RYR2: variants seen among roughly 807,000 people sequenced by gnomAD.
RYR2 encodes the protein ryanodine receptor 2, also known as cardiac muscle ryanodine receptor-calcium release channel.
In RYR2, 227 loss-of-function variants were observed where a neutral mutation model predicts 601.1. The ratio of observed to expected loss-of-function variants is 0.38; its 90% CI spans 0.34 to 0.42. RYR2 has a LOEUF of 0.42. Among genes scored for constraint, RYR2 ranks in the 10% least tolerant of loss-of-function variants. The pLI is 1.00. For synonymous variants in RYR2, 2,223 were observed against 2,175.1 expected, an observed-to-expected ratio of 1.02 and a Z score of -0.61; for missense variants, 4,646 against 6,156.5, an observed-to-expected ratio of 0.75 and a Z score of 8.21.
At chr1:237,621,036 C>T (rs1679021196) in intron 38 of RYR2, among the ~76,000 whole-genome samples, 2 of 152,248 alleles carry the variant, frequency 1.3e-5, no homozygotes, top group African/African-American at 4.8e-5. Flanking sequence ...AACCTCAAGA[C>T]ATTTTTAAAA....
intron 16 of RYR2, 41 bp from the exon 17 acceptor site, chr1:237,469,051 A>G (rs1455304741): frequency 1.3e-6 from 2 of 1,545,934 alleles, no homozygotes; most frequent in African/African-American, 1.4e-5. Flanking sequence ...TTTTCGAGCT[A>G]GAAAATCACA....
intron 96 of RYR2, 131 bp downstream of exon 96, chr1:237,795,462 T>TTA: frequency 3.9e-6 from 2 of 508,956 alleles, no homozygotes; most frequent in African/African-American, 2.1e-5. Context: ...TTTTTTTTTT[T>TTA]AATTTTTGAG....
chr1:237,202,908 C>A (rs998721397), intron 1 of RYR2, among the ~76,000 whole-genome samples: 1 of 152,100 alleles, frequency 6.6e-6, no homozygotes, highest in Non-Finnish European at 1.5e-5. Flanking sequence ...AATGCTCAGC[C>A]CTTCCAAACA....
chr1:237,331,705 G>A (rs186415699), intron 3 of RYR2, among the ~76,000 whole-genome samples: 54 of 150,690 alleles, frequency 3.6e-4, no homozygotes, highest in Admixed American at 2.4e-3. Context: ...TAGTAGAGAC[G>A]GGGTTTCACC....
In RYR2 at chr1:237,478,772, C is replaced by T. The variant is rs530982643; in HGVS notation, c.1708+9585C>T. Among the ~76,000 whole-genome samples, 4 of 141,268 alleles carry T rather than the reference C, an allele frequency of 2.8e-5. No homozygotes were observed. In the South Asian group the frequency reaches 6.7e-4, roughly 24 times the overall value. 92.7% of individuals were successfully genotyped at this position (141,268 alleles called of 152,430 possible). ...CAAGGCCAGACAGCATGTAAGCCAC[C>T]GAGGCAGGCCTTAAGGGACCCCCCT... On this transcript the variant is annotated intron_variant, in intron 17 of 104. Transcript: ENST00000366574.
At chr1:237,107,669 C>T (rs1231945758) in intron 1 of RYR2, among the ~76,000 whole-genome samples, 11 of 152,240 alleles carry the variant, frequency 7.2e-5, no homozygotes, top group South Asian at 2.1e-4. Context: ...TTCCATCTCC[C>T]GTGGAAGATG....
chr1:237,745,925 T>A lies in RYR2; in HGVS notation c.11145+3576T>A, dbSNP rs554722738. Among the ~76,000 whole-genome samples the A allele has an allele frequency of 2.0e-5, 3 of 152,180 alleles. No individual in the cohort carries two copies. The South Asian group carries it at 6.2e-4, about 32-fold the overall frequency. Reference sequence around the variant, plus strand: ...CTTCCTAATGAGATTTTTTTTTTTTTAGTGATCTCCATCTGATTTGGGACT... The same window carrying A: ...CTTCCTAATGAGATTTTTTTTTTTTAAGTGATCTCCATCTGATTTGGGACT... On this transcript the variant is annotated intron_variant, in intron 80 of 104. Coordinates refer to ENST00000366574, the MANE Select transcript of RYR2 (RefSeq NM_001035.3).
At chr1:237,449,091 C>CG (rs1449650922) in intron 14 of RYR2, among the ~76,000 whole-genome samples, 4 of 152,120 alleles carry the variant, frequency 2.6e-5, no homozygotes, top group African/African-American at 7.2e-5. Flanking sequence ...CACCCTTACA[C>CG]GGGAGCGTGA....
At chr1:237,617,567 C>A in intron 38 of RYR2, 81 bp downstream of exon 38, 1 of 1,273,322 alleles carries the variant, frequency 7.9e-7, no homozygotes, top group Non-Finnish European at 1.1e-6. Context: ...AATTATATAA[C>A]TCACACGTCT....
intron 10 of RYR2, among the ~76,000 whole-genome samples, chr1:237,391,266 G>A (rs1040298962): frequency 9.9e-5 from 15 of 152,048 alleles, no homozygotes; most frequent in African/African-American, 3.4e-4. Context: ...CTGTACTGGG[G>A]GAGACATGCA....
intron 10 of RYR2, among the ~76,000 whole-genome samples, chr1:237,415,677 A>C (rs1194719467): frequency 6.6e-6 from 1 of 152,220 alleles, no homozygotes; most frequent in African/African-American, 2.4e-5. Context: ...AATGGCAAGA[A>C]GGGAAGACAA....
At chr1:237,249,903 C>T (rs1012476264) in intron 1 of RYR2, among the ~76,000 whole-genome samples, 3 of 152,062 alleles carry the variant, frequency 2.0e-5, no homozygotes, top group African/African-American at 7.2e-5. Flanking sequence ...TTGCAGAGTA[C>T]AGTCTAAGAA....
At chr1:237,673,536 A>C (rs948567413) in intron 58 of RYR2, among the ~76,000 whole-genome samples, 8 of 152,174 alleles carry the variant, frequency 5.3e-5, no homozygotes, top group Non-Finnish European at 8.8e-5. Flanking sequence ...GTCAAGTATT[A>C]GACACTTAAG....
At chr1:237,608,796 GT>G (rs33945891) in intron 35 of RYR2, among the ~76,000 whole-genome samples, 9,705 of 119,010 alleles carry the variant, frequency 0.082, 418 homozygotes, top group East Asian at 0.14. Flanking sequence ...AGACTGACCT[GT>G]TTTTTTTTTT....
At chr1:237,481,933 C>A (rs554829633) in intron 17 of RYR2, among the ~76,000 whole-genome samples, 17 of 147,926 alleles carry the variant, frequency 1.1e-4, no homozygotes, top group Non-Finnish European at 1.9e-4. Flanking sequence ...GCATGTTTTT[C>A]TTTTTTCATG....
chr1:237,617,846 C>T (rs1004880385), intron 38 of RYR2, among the ~76,000 whole-genome samples: 2 of 152,146 alleles, frequency 1.3e-5, no homozygotes, highest in Non-Finnish European at 2.9e-5. Flanking sequence ...TCCATTTGTG[C>T]CTACCATAGA....
At chr1:237,272,289 G>C (rs1461049346) in intron 2 of RYR2, among the ~76,000 whole-genome samples, 9 of 151,812 alleles carry the variant, frequency 5.9e-5, no homozygotes. Flanking sequence ...AATTGCAGGG[G>C]CGATAGAGGC....
rs1405759797 is a variant in RYR2 at position 237,726,304 on chromosome 1, G to A, written c.10721G>A (p.Cys3574Tyr). ...KSKRVGRRHY[C>Y]LVEHPQRSKK... Reference sequence around the variant, plus strand: ...AAACGTGTGGGTCGGAGACATTACTGTCTGGGAAGTACAGTGCTCAATGGC... The same window carrying A: ...AAACGTGTGGGTCGGAGACATTACTATCTGGGAAGTACAGTGCTCAATGGC... The change falls in exon 75 of 105, where the codon TGT becomes TAT. Residue 3574 changes from cysteine (C) to tyrosine (Y), a missense_variant. Physicochemically the swap from Cys to Tyr is radical, Grantham distance 194. Coordinates refer to ENST00000366574, the MANE Select transcript of RYR2 (RefSeq NM_001035.3). 1 of 1,584,622 alleles carries A rather than the reference G, an allele frequency of 6.3e-7. No individual in the cohort carries two copies. Among genetic ancestry groups the A allele is most frequent in the South Asian group, 1.1e-5 (1 of 87,584 alleles).
chr1:237,331,801 A>C (rs1035462071), intron 3 of RYR2, among the ~76,000 whole-genome samples: 1 of 151,912 alleles, frequency 6.6e-6, no homozygotes, highest in African/African-American at 2.4e-5. Context: ...GGCGTGAGCC[A>C]CCGCGCCCAG....
Sources: allele counts gnomAD v4.1 joint callset (sites outside exome capture counted in the v4.1 genomes callset), GRCh38; gene constraint gnomAD v4.1.1; transcripts MANE v1.5; gene names NCBI Gene and HGNC (gene_info 2026-07-23, HGNC 2026-07-21).